The following STK24 variants were observed in gnomAD, a reference collection of about 807,000 sequenced individuals.
STK24 encodes serine/threonine kinase 24.
In STK24, 21 loss-of-function variants were observed where a neutral mutation model predicts 55.6. The observed-to-expected ratio is 0.38, with a 90% CI of 0.27 to 0.54. The LOEUF (loss-of-function observed/expected upper bound fraction) is 0.54. Among genes scored for constraint, STK24 ranks in the 20% least tolerant of loss-of-function variants. The pLI is 0.79. For synonymous variants in STK24, 200 were observed against 215.2 expected, an observed-to-expected ratio of 0.93 and a Z score of 0.62; for missense variants, 383 against 538.4, an observed-to-expected ratio of 0.71 and a Z score of 2.86.
intron 2 of STK24, among the ~76,000 whole-genome samples, chr13:98,491,318 A>G (rs1161772479): frequency 2.6e-5 from 4 of 152,218 alleles, no homozygotes; most frequent in African/African-American, 9.6e-5. Flanking sequence ...ACTGCTGATT[A>G]GGAAAAGGAG....
At chr13:98,491,706 A>T (rs1405611796) in intron 2 of STK24, among the ~76,000 whole-genome samples, 4 of 152,050 alleles carry the variant, frequency 2.6e-5, no homozygotes, top group Non-Finnish European at 5.9e-5. Flanking sequence ...AAAAAAAAAA[A>T]ATACTAAGTG....
At chr13:98,482,182 G>A in intron 3 of STK24, 83 bp downstream of exon 3, 1 of 694,560 alleles carries the variant, frequency 1.4e-6, no homozygotes, top group Non-Finnish European at 2.3e-6. Context: ...AAAAAGAAAT[G>A]GATACATGCA....
intron 6 of STK24, among the ~76,000 whole-genome samples, chr13:98,465,028 T>C (rs529154641): frequency 6.6e-6 from 1 of 152,230 alleles, no homozygotes; most frequent in Admixed American, 6.5e-5. Flanking sequence ...ACCCATGCCC[T>C]GGGCTCAGCA....
chr13:98,487,146 A>G (rs534727418), intron 2 of STK24, among the ~76,000 whole-genome samples: 1 of 152,324 alleles, frequency 6.6e-6, no homozygotes, highest in South Asian at 2.1e-4. Flanking sequence ...CAGAGGCCTC[A>G]TGGCAGGAGC....
chr13:98,454,181 A>T (rs1271171955), intron 10 of STK24: 1 of 152,248 alleles, frequency 6.6e-6, no homozygotes, highest in Non-Finnish European at 1.5e-5. Flanking sequence ...ATGACCTGGT[A>T]TGACAACAGA....
At chr13:98,539,322 A>C (rs1566394642) in intron 1 of STK24, among the ~76,000 whole-genome samples, 1 of 152,202 alleles carries the variant, frequency 6.6e-6, no homozygotes, top group Non-Finnish European at 1.5e-5. Context: ...GTAGGAGTAC[A>C]TCTATTGGCA....
At chr13:98,512,199 A>C (rs780145403) in intron 2 of STK24, among the ~76,000 whole-genome samples, 1 of 152,110 alleles carries the variant, frequency 6.6e-6, no homozygotes, top group Non-Finnish European at 1.5e-5. Flanking sequence ...ACAGTACATA[A>C]ATTTTTAAAA....
At chr13:98,475,067 C>T (rs1894312458) in intron 4 of STK24, 89 bp from the exon 5 acceptor site, 22 of 1,487,678 alleles carry the variant, frequency 1.5e-5, no homozygotes, top group Admixed American at 7.1e-5. Context: ...GGCTGGGTGG[C>T]GAACCCACCG....
At chr13:98,520,568 A>G (rs1481807821) in intron 1 of STK24, among the ~76,000 whole-genome samples, 1 of 152,222 alleles carries the variant, frequency 6.6e-6, no homozygotes, top group Non-Finnish European at 1.5e-5. Context: ...TGAGGAGAAG[A>G]AAGATGACAC....
At chr13:98,511,201 T>C (rs1342870736) in intron 2 of STK24, among the ~76,000 whole-genome samples, 2 of 152,216 alleles carry the variant, frequency 1.3e-5, no homozygotes, top group Non-Finnish European at 2.9e-5. Flanking sequence ...AAAATGAATA[T>C]CCTACTCCAA....
At chr13:98,517,945 T>G (rs1481579344) in intron 2 of STK24, among the ~76,000 whole-genome samples, 1 of 152,242 alleles carries the variant, frequency 6.6e-6, no homozygotes, top group East Asian at 1.9e-4. Context: ...TTCACATACT[T>G]AATTCCATTT....
chr13:98,495,437 C>T (rs914329648), intron 2 of STK24, among the ~76,000 whole-genome samples: 2 of 152,144 alleles, frequency 1.3e-5, no homozygotes, highest in African/African-American at 2.4e-5. Flanking sequence ...TTTAAATTTG[C>T]AGAATGTGCA....
chr13:98,468,742 T>C lies in STK24; in HGVS notation c.598-2181A>G, dbSNP rs1166443183. On this transcript the variant is annotated intron_variant, in intron 5 of 10. Transcript: ENST00000539966. ...TTTGTAAGGGTACATAATAGTTATA[T>C]GAATTTTTTCTGGTACAAGTATACA... Among the ~76,000 whole-genome samples, 3 of 152,368 alleles carry C rather than the reference T, an allele frequency of 2.0e-5. No individual in the cohort carries two copies. The South Asian group carries it at 6.2e-4, about 32-fold the overall frequency.
chr13:98,515,400 A>T (rs61969451), intron 2 of STK24, among the ~76,000 whole-genome samples: 40,196 of 151,702 alleles, frequency 0.26, 6,071 homozygotes, highest in East Asian at 0.42. Context: ...CTGGTTAAGT[A>T]TCCTAGCTGG....
At chr13:98,528,559 A>G (rs1229708545) in intron 1 of STK24, among the ~76,000 whole-genome samples, 1 of 152,176 alleles carries the variant, frequency 6.6e-6, no homozygotes. Context: ...CCACAATACA[A>G]CACAACACTT....
rs1243777474 is a variant in STK24, at chr13:98,535,356, AC to A, written c.43-15884del. On this transcript the variant is annotated intron_variant, in intron 1 of 10. Coordinates refer to ENST00000539966, the MANE Select transcript of STK24 (RefSeq NM_001032296.4). The stretch of plus-strand genomic sequence containing the variant: ...CTGTCTCAAACAAACAAACAAACAA[AC>A]AAACAAAAAAAAAATATATATATAT... Among the ~76,000 whole-genome samples, 54 of 41,506 alleles carry A rather than the reference AC, an allele frequency of 1.3e-3. 1 individual carries two copies. Among genetic ancestry groups the A allele is most frequent in the East Asian group, 3.2e-3 (5 of 1,560 alleles). 27.2% of individuals were successfully genotyped at this position (41,506 alleles called of 152,430 possible). A position where few individuals can be genotyped will look rare whatever the true frequency, so the allele number is the denominator to read the frequency against.
Position 98,446,905 on chromosome 13 carries a change from A to G in STK24, c.*6268T>C, listed in dbSNP as rs1462803640. 2.8e-6 allele frequency: 4 copies of G among 1,412,576 alleles called. No homozygotes were observed. Among genetic ancestry groups the G allele is most frequent in the Non-Finnish European group, 3.9e-6 (4 of 1,013,720 alleles). 87.5% of individuals were successfully genotyped at this position (1,412,576 alleles called of 1,614,324 possible). On this transcript the variant is annotated 3_prime_UTR_variant, in exon 11 of 11. Transcript: ENST00000539966. The stretch of plus-strand genomic sequence containing the variant: ...GATTTCTCCCAAGTCAGCGAGTGAG[A>G]TGGCCCCACCCTTCCCTGCCAACTA...
intron 8 of STK24, among the ~76,000 whole-genome samples, chr13:98,461,206 T>A (rs1182884555): frequency 6.6e-6 from 1 of 152,212 alleles, no homozygotes; most frequent in Admixed American, 6.5e-5. Context: ...ACCTGTTCAC[T>A]TATCAAAGCG....
intron 1 of STK24, among the ~76,000 whole-genome samples, chr13:98,568,251 C>A (rs1171576374): frequency 6.6e-6 from 1 of 151,970 alleles, no homozygotes; most frequent in African/African-American, 2.4e-5. Context: ...CCCGCTTCGG[C>A]CTCCCAAAGT....
Sources: gnomAD v4.1 joint callset for allele counts (sites outside exome capture counted in the v4.1 genomes callset) on GRCh38, gnomAD v4.1.1 for gene constraint, MANE v1.5 for transcripts, NCBI Gene and HGNC (gene_info 2026-07-23, HGNC 2026-07-21) for gene names.